The following FKBP5 variants were observed in gnomAD, a reference collection of about 807,000 sequenced individuals.
FKBP5 encodes peptidyl-prolyl cis-trans isomerase FKBP5.
In FKBP5, 23 loss-of-function variants were observed where a neutral mutation model predicts 50.5. That is an observed-to-expected ratio of 0.46 (90% CI 0.33 to 0.65). The LOEUF is 0.65. Ranked by LOEUF, FKBP5 falls within the 30% of genes least tolerant of loss-of-function variation. FKBP5 has a pLI of 0.02. For synonymous variants in FKBP5, 176 were observed against 190.6 expected (o/e 0.92, Z 0.63); for missense variants, 411 against 553.1 (o/e 0.74, Z 2.58).
At chr6:35,685,656 T>A (rs189114608) in intron 1 of FKBP5, among the ~76,000 whole-genome samples, 2 of 152,270 alleles carry the variant, frequency 1.3e-5, no homozygotes, top group East Asian at 3.9e-4. Flanking sequence ...GAATTCTTCA[T>A]GCCGGGTACA....
intron 8 of FKBP5, chr6:35,581,488 G>A (rs1762430165): frequency 1.3e-6 from 1 of 742,236 alleles, no homozygotes; most frequent in African/African-American, 1.9e-5. Context: ...TACTTAGGAG[G>A]CTGAGGCAGG....
chr6:35,606,997 G>A (rs188547999), intron 5 of FKBP5, among the ~76,000 whole-genome samples: 399 of 152,294 alleles, frequency 2.6e-3, no homozygotes, highest in African/African-American at 9.0e-3. Context: ...CTGGACTGCA[G>A]TGGCAGAATC....
At chr6:35,700,755 C>T (rs1266444900) in intron 2 of FKBP5, among the ~76,000 whole-genome samples, 2 of 152,068 alleles carry the variant, frequency 1.3e-5, no homozygotes, top group Non-Finnish European at 1.5e-5. Flanking sequence ...GTCAGGAGTT[C>T]GAGACCAGCC....
intron 1 of FKBP5, among the ~76,000 whole-genome samples, chr6:35,727,764 G>C (rs2766536): frequency 1.3e-5 from 2 of 152,112 alleles, no homozygotes; most frequent in African/African-American, 4.8e-5. Flanking sequence ...GGAGAAGCAC[G>C]GACTGAGCGC....
At chr6:35,725,103 C>T (rs1320195738) in intron 1 of FKBP5, among the ~76,000 whole-genome samples, 1 of 152,274 alleles carries the variant, frequency 6.6e-6, no homozygotes, top group African/African-American at 2.4e-5. Flanking sequence ...AGATCATAAA[C>T]GTATTGATCT....
At chr6:35,669,158 T>C (rs1765315056) in intron 1 of FKBP5, among the ~76,000 whole-genome samples, 1 of 152,156 alleles carries the variant, frequency 6.6e-6, no homozygotes, top group Non-Finnish European at 1.5e-5. Flanking sequence ...AGTTAACCAT[T>C]AGAACTCCCT....
intron 3 of FKBP5, among the ~76,000 whole-genome samples, chr6:35,622,659 A>T (rs575354468): frequency 4.1e-4 from 63 of 152,282 alleles, no homozygotes; most frequent in African/African-American, 1.4e-3. Flanking sequence ...GTCACTTTTT[A>T]AAAAAATTTA....
At chr6:35,625,193 C>G (rs1424773226) in intron 3 of FKBP5, among the ~76,000 whole-genome samples, 1 of 152,110 alleles carries the variant, frequency 6.6e-6, no homozygotes, top group Non-Finnish European at 1.5e-5. Flanking sequence ...AAGCAATTCT[C>G]GTGCCTCAGA....
In FKBP5 at chr6:35,626,741, CTTT is replaced by C. The variant is rs1764009632; in HGVS notation, c.251-6470_251-6468del. Among the ~76,000 whole-genome samples the C allele has an allele frequency of 2.6e-5, 4 of 152,274 alleles. 1 individual carries two copies. In the South Asian group the frequency reaches 8.3e-4, roughly 32 times the overall value. The stretch of plus-strand genomic sequence containing the variant: ...ATAAGTGGAATCAGACAGTACTTTT[CTTT>C]TTGTCACTGGATTACTTCACTTAGT... On this transcript the variant is annotated intron_variant, in intron 3 of 10. Coordinates refer to ENST00000357266, the MANE Select transcript of FKBP5 (RefSeq NM_004117.4).
intron 3 of FKBP5, among the ~76,000 whole-genome samples, chr6:35,625,710 T>G (rs1391818265): frequency 1.3e-5 from 2 of 148,154 alleles, no homozygotes; most frequent in South Asian, 2.2e-4. Flanking sequence ...CACTCCAGCC[T>G]GGGCGACAGA....
rs1361944316 is a variant in FKBP5, at chr6:35,625,155, C to T, written c.251-4881G>A. Among the ~76,000 whole-genome samples the T allele has an allele frequency of 2.6e-5, 4 of 152,282 alleles. No homozygotes were observed. In the South Asian group the frequency reaches 6.2e-4, roughly 24 times the overall value. On this transcript the variant is annotated intron_variant, in intron 3 of 10. Coordinates refer to ENST00000357266, the MANE Select transcript of FKBP5 (RefSeq NM_004117.4). ...CTGGAGTGCAGTGGCACGATCTTGG[C>T]TCATTGCAACCTCTGCCTCCTGGGT...
chr6:35,593,912 A>G (rs552799684), intron 6 of FKBP5, among the ~76,000 whole-genome samples: 125 of 152,102 alleles, frequency 8.2e-4, no homozygotes, highest in African/African-American at 2.2e-3. Flanking sequence ...GAAAGGACGG[A>G]AAAAAAAGTT....
At chr6:35,642,653 G>A (rs567875921) in intron 2 of FKBP5, 67 bp downstream of exon 2, 1 of 1,258,826 alleles carries the variant, frequency 7.9e-7, no homozygotes, top group African/African-American at 1.5e-5. Context: ...GCCCCCCTCA[G>A]AAAGAGATGC....
chr6:35,645,069 C>A (rs990907116), intron 1 of FKBP5, among the ~76,000 whole-genome samples: 2 of 152,208 alleles, frequency 1.3e-5, no homozygotes, highest in African/African-American at 4.8e-5. Flanking sequence ...TGCATCATAA[C>A]CAAACTCTGC....
chr6:35,592,813 G>T (rs1762861735), intron 6 of FKBP5, among the ~76,000 whole-genome samples: 1 of 152,144 alleles, frequency 6.6e-6, no homozygotes, highest in Non-Finnish European at 1.5e-5. Flanking sequence ...ACTGGTATCT[G>T]GTGGGAAGAG....
intron 6 of FKBP5, among the ~76,000 whole-genome samples, chr6:35,593,919 A>C (rs1040687801): frequency 6.6e-6 from 1 of 152,180 alleles, no homozygotes; most frequent in Non-Finnish European, 1.5e-5. Flanking sequence ...CGGAAAAAAA[A>C]GTTAAAACTA....
intron 1 of FKBP5, among the ~76,000 whole-genome samples, chr6:35,647,333 T>G (rs1203755270): frequency 6.6e-6 from 1 of 152,228 alleles, no homozygotes; most frequent in Non-Finnish European, 1.5e-5. Context: ...TTTACCCTAT[T>G]TGGCCTCAAA....
Position 35,637,023 on chromosome 6 carries a change from G to T in FKBP5, c.241C>A (p.Leu81Ile), listed in dbSNP as rs768388340. The T allele has an allele frequency of 9.4e-6, 15 of 1,595,746 alleles. No individual in the cohort carries two copies. The highest frequency in any genetic ancestry group is 1.3e-5 in the Non-Finnish European group (15 of 1,176,002). ...HDRNEPFVFS[L>I]GKGQVIKAWD... ...AAAAATACCCTCTTACCTTTGCCAA[G>T]ACTAAAGACAAATGGTTCATTTCTA... The change falls in exon 3 of 11, where the codon CTT (leucine) becomes ATT (isoleucine). Residue 81 changes from leucine to isoleucine, a missense_variant. This residue lies in a region of FKBP5 where 267 missense variants were observed against 405.9 expected (regional missense o/e 0.66). Coordinates refer to ENST00000357266, the MANE Select transcript of FKBP5 (RefSeq NM_004117.4).
At chr6:35,629,060 C>T (rs542072337) in intron 3 of FKBP5, among the ~76,000 whole-genome samples, 1 of 152,160 alleles carries the variant, frequency 6.6e-6, no homozygotes, top group Non-Finnish European at 1.5e-5. Context: ...TAATAATCAT[C>T]CCTACTCCCT....
Sources: gnomAD v4.1 joint callset for allele counts (sites outside exome capture counted in the v4.1 genomes callset) on GRCh38, gnomAD v4.1.1 for gene constraint, gnomAD v4.1.1 regional missense constraint, MANE v1.5 for transcripts, NCBI Gene and HGNC (gene_info 2026-07-23, HGNC 2026-07-21) for gene names.